Variants in EPHA5 observed in about 807,000 individuals in gnomAD.
EPHA5 encodes the protein ephrin type-A receptor 5.
In EPHA5, 60 loss-of-function variants were observed where a neutral mutation model predicts 105.0. The observed-to-expected ratio is 0.57, with a 90% CI of 0.46 to 0.71. The LOEUF (loss-of-function observed/expected upper bound fraction) is 0.71. Among genes scored for constraint, EPHA5 ranks in the 30% least tolerant of loss-of-function variants. The pLI, the probability that EPHA5 is intolerant of heterozygous loss-of-function variation, is 0.00. For missense variants in EPHA5, 1,218 were observed against 1,274.7 expected (o/e 0.96, Z 0.68); for synonymous variants, 513 against 449.1 (o/e 1.14, Z -1.80).
intron 3 of EPHA5, among the ~76,000 whole-genome samples, chr4:65,535,769 T>C (rs1736229755): frequency 6.6e-6 from 1 of 151,812 alleles, no homozygotes; most frequent in Non-Finnish European, 1.5e-5. Context: ...ATGGGTCCAG[T>C]GAAGGAAACA....
chr4:65,627,508 A>G (rs142123632), intron 2 of EPHA5, among the ~76,000 whole-genome samples: 94 of 152,288 alleles, frequency 6.2e-4, no homozygotes, highest in Middle Eastern at 6.8e-3. Context: ...GTGAGTATCA[A>G]TTCAGCAACT....
In EPHA5 at chr4:65,652,956, G is replaced by A. The variant is rs556668349; in HGVS notation, c.182-9529C>T. On this transcript the variant is annotated intron_variant, in intron 1 of 16. Coordinates refer to ENST00000613740, the MANE Select transcript of EPHA5 (RefSeq NM_001281766.3). The stretch of plus-strand genomic sequence containing the variant: ...AAGCATGTTAATGGGGGCAAAATAG[G>A]ATAGCATTTGTCCTAAACAGGCAAA... 5.3e-5 allele frequency among the ~76,000 whole-genome samples: 8 copies of A among 151,956 alleles called. No homozygotes were observed. In the Middle Eastern group the frequency reaches 0.017, roughly 323 times the overall value.
intron 5 of EPHA5, among the ~76,000 whole-genome samples, chr4:65,451,285 T>G (rs1727040762): frequency 6.6e-6 from 1 of 152,200 alleles, no homozygotes; most frequent in Admixed American, 6.6e-5. Flanking sequence ...CAATATGTTT[T>G]CAAGTATCTT....
At chr4:65,527,305 G>A (rs1024483103) in intron 3 of EPHA5, among the ~76,000 whole-genome samples, 2 of 152,058 alleles carry the variant, frequency 1.3e-5, no homozygotes, top group African/African-American at 2.4e-5. Context: ...TCACCAAAGT[G>A]ACAAACGATG....
chr4:65,552,330 C>A (rs1738000697), intron 3 of EPHA5, among the ~76,000 whole-genome samples: 1 of 152,182 alleles, frequency 6.6e-6, no homozygotes, highest in Non-Finnish European at 1.5e-5. Context: ...CACGGTTTAT[C>A]CGTTATTACT....
chr4:65,351,669 T>G, intron 12 of EPHA5, 71 bp from the exon 13 acceptor site: 2 of 1,356,002 alleles, frequency 1.5e-6, no homozygotes, highest in Non-Finnish European at 2.1e-6. Context: ...AGGTCTGTAT[T>G]CAATCCCCCA....
chr4:65,612,208 G>A (rs1488923101), intron 2 of EPHA5, among the ~76,000 whole-genome samples: 2 of 152,004 alleles, frequency 1.3e-5, no homozygotes, highest in African/African-American at 4.8e-5. Context: ...ACTGCATAGT[G>A]GTGAAGTCTG....
intron 11 of EPHA5, among the ~76,000 whole-genome samples, chr4:65,362,399 A>T (rs1189728367): frequency 6.6e-6 from 1 of 151,792 alleles, no homozygotes; most frequent in Non-Finnish European, 1.5e-5. Flanking sequence ...AACATGGTAA[A>T]TTAAAAACAA....
At chr4:65,374,479 G>A (rs543939018) in intron 8 of EPHA5, among the ~76,000 whole-genome samples, 5 of 151,976 alleles carry the variant, frequency 3.3e-5, no homozygotes, top group African/African-American at 9.6e-5. Context: ...TGGTTTCCTG[G>A]TGGGAAACAT....
At position 65,495,397 on chromosome 4, in the gene EPHA5, C is replaced by A. The variant is rs749407771; in HGVS notation, c.1057G>T (p.Ala353Ser). 6.2e-7 allele frequency: 1 copy of A among 1,612,122 alleles called. No individual in the cohort carries two copies. Among genetic ancestry groups the A allele is most frequent in the Non-Finnish European group, 8.5e-7 (1 of 1,179,214 alleles). The part of the protein sequence containing the change: ...FRRESDPPTM[A>S]CTRPPSAPRN... Reference sequence around the variant, plus strand: ...CCGTGGGTTTCCTTACTTGTGCATGCCATTGTGGGTGGATCAGACTCTCTC... The same window carrying A: ...CCGTGGGTTTCCTTACTTGTGCATGACATTGTGGGTGGATCAGACTCTCTC... Residue 353 changes from alanine to serine, a missense_variant, in exon 4 of 17, where the codon GCA becomes TCA. By Grantham distance (99) the Ala-to-Ser change is moderately conservative. Transcript: ENST00000613740.
chr4:65,494,942 C>G (rs764223938), intron 4 of EPHA5, among the ~76,000 whole-genome samples: 1 of 149,812 alleles, frequency 6.7e-6, no homozygotes, highest in Non-Finnish European at 1.5e-5. Flanking sequence ...GATGGGAAAA[C>G]TGGCAGAGAA....
chr4:65,596,962 A>G (rs1258236823), intron 3 of EPHA5, among the ~76,000 whole-genome samples: 2 of 152,148 alleles, frequency 1.3e-5, no homozygotes, highest in Non-Finnish European at 2.9e-5. Flanking sequence ...ATAAATATGC[A>G]CCAGAAGTAC....
intron 2 of EPHA5, among the ~76,000 whole-genome samples, chr4:65,616,458 G>C (rs73824355): frequency 0.17 from 24,215 of 143,692 alleles, 2,167 homozygotes; most frequent in Non-Finnish European, 0.2. Context: ...CACACACAGA[G>C]AGAGAGAGAG....
At chr4:65,378,778 C>T (rs545134158) in intron 8 of EPHA5, among the ~76,000 whole-genome samples, 1 of 120,948 alleles carries the variant, frequency 8.3e-6, no homozygotes, top group African/African-American at 2.8e-5. Context: ...TGCTTGTTTT[C>T]TTTCTTTCTT....
intron 3 of EPHA5, among the ~76,000 whole-genome samples, chr4:65,535,823 AC>A (rs1351526494): frequency 6.6e-6 from 1 of 152,020 alleles, no homozygotes; most frequent in Non-Finnish European, 1.5e-5. Context: ...TGGAGGTTTA[AC>A]TTTTGCAAGG....
chr4:65,458,616 A>C (rs1727838811), intron 5 of EPHA5, among the ~76,000 whole-genome samples: 1 of 152,128 alleles, frequency 6.6e-6, no homozygotes, highest in Admixed American at 6.5e-5. Flanking sequence ...ACTTTATCTT[A>C]GAGTTACTTG....
intron 3 of EPHA5, among the ~76,000 whole-genome samples, chr4:65,559,989 A>G (rs1482927138): frequency 6.6e-6 from 1 of 152,188 alleles, no homozygotes; most frequent in Non-Finnish European, 1.5e-5. Context: ...TATTACCTAA[A>G]TCTGTAAACA....
intron 3 of EPHA5, among the ~76,000 whole-genome samples, chr4:65,514,445 G>A (rs964471225): frequency 1.3e-5 from 2 of 152,120 alleles, no homozygotes; most frequent in East Asian, 3.9e-4. Context: ...GCTACATGTA[G>A]GTATTCTAGC....
chr4:65,383,810 G>T (rs1292333815), intron 8 of EPHA5, among the ~76,000 whole-genome samples: 2 of 150,792 alleles, frequency 1.3e-5, no homozygotes, highest in Non-Finnish European at 2.9e-5. Flanking sequence ...AGGAAGGAAG[G>T]TGTGGTTTTA....
Sources: allele counts gnomAD v4.1 joint callset (sites outside exome capture counted in the v4.1 genomes callset), GRCh38; gene constraint gnomAD v4.1.1; transcripts MANE v1.5; gene names NCBI Gene and HGNC (gene_info 2026-07-23, HGNC 2026-07-21).